The following ATXN7L1 variants were observed in gnomAD, a reference collection of about 807,000 sequenced individuals.
ATXN7L1 encodes ataxin 7 like 1.
A neutral mutation model predicts 70.8 loss-of-function variants in ATXN7L1; 15 were observed. The observed-to-expected ratio is 0.21, with a 90% CI of 0.14 to 0.33. ATXN7L1 has a LOEUF of 0.33. Among genes scored for constraint, ATXN7L1 ranks in the 10% least tolerant of loss-of-function variants. ATXN7L1 has a pLI of 1.00. For missense variants in ATXN7L1, 975 were observed against 1,097.1 expected (o/e 0.89, Z 1.57); for synonymous variants, 440 against 445.1 (o/e 0.99, Z 0.14).
chr7:105,735,660 C>A (rs958933551), intron 3 of ATXN7L1, among the ~76,000 whole-genome samples: 1 of 152,160 alleles, frequency 6.6e-6, no homozygotes, highest in African/African-American at 2.4e-5. Context: ...ATTCCCACCC[C>A]CTAAATGTTG....
chr7:105,688,183 C>T (rs1790214485), intron 3 of ATXN7L1, among the ~76,000 whole-genome samples: 1 of 152,078 alleles, frequency 6.6e-6, no homozygotes, highest in African/African-American at 2.4e-5. Context: ...CCCTCACATG[C>T]GTTGCCCAGC....
chr7:105,692,366 TTTCTTTCC>T (rs1386240677), intron 3 of ATXN7L1, among the ~76,000 whole-genome samples: 81 of 120,746 alleles, frequency 6.7e-4, no homozygotes, highest in African/African-American at 2.1e-3. Flanking sequence ...GATGAATTTC[TTTCTTTCC>T]TTCCTTCCTT....
chr7:105,615,231 T>C (rs1793703504), intron 9 of ATXN7L1, among the ~76,000 whole-genome samples: 1 of 152,002 alleles, frequency 6.6e-6, no homozygotes, highest in Non-Finnish European at 1.5e-5. Flanking sequence ...CACATGTAGG[T>C]CCTGGTTGCA....
At chr7:105,720,151 C>T (rs538778143) in intron 3 of ATXN7L1, among the ~76,000 whole-genome samples, 3 of 152,174 alleles carry the variant, frequency 2.0e-5, no homozygotes, top group South Asian at 4.1e-4. Context: ...CTTGGTATAG[C>T]CCTTGGGTCA....
At chr7:105,835,897 CTCT>C (rs1439714581) in intron 2 of ATXN7L1, among the ~76,000 whole-genome samples, 6 of 152,020 alleles carry the variant, frequency 3.9e-5, no homozygotes, top group Non-Finnish European at 8.8e-5. Context: ...CTCTCTCTCT[CTCT>C]TTTTTTCAAG....
intron 4 of ATXN7L1, among the ~76,000 whole-genome samples, chr7:105,658,334 A>G (rs773425569): frequency 6.6e-6 from 1 of 152,084 alleles, no homozygotes; most frequent in South Asian, 2.1e-4. Context: ...GCTGTATGGT[A>G]TAGCCACTTG....
chr7:105,680,074 TAA>T (rs35358930), intron 3 of ATXN7L1, among the ~76,000 whole-genome samples: 413 of 133,298 alleles, frequency 3.1e-3, no homozygotes, highest in African/African-American at 5.0e-3. Flanking sequence ...TGCCTTTTAG[TAA>T]AAAAAAAAAA....
intron 3 of ATXN7L1, among the ~76,000 whole-genome samples, chr7:105,683,641 C>T (rs553229331): frequency 1.2e-3 from 183 of 152,266 alleles, no homozygotes; most frequent in Middle Eastern, 6.8e-3. Flanking sequence ...TACCACTGCA[C>T]TCCAGCCTGG....
In ATXN7L1 at chr7:105,613,926, T is replaced by G; in HGVS notation, c.2408A>C (p.Lys803Thr). ...TKMPGMNSVH[K>T]KNPPSLLAPV... is the part of the protein sequence containing the mutation. ...TGCGAGAAGGCTGGGCGGGTTCTTT[T>G]TGTGAACGCTATTCATACCAGGCAT... Residue 803 changes from lysine to threonine, a missense_variant, in exon 10 of 12, where the codon AAA (lysine) becomes ACA (threonine). Transcript: ENST00000419735. 1 of 1,552,178 alleles carries G rather than the reference T, an allele frequency of 6.4e-7. No homozygotes were observed. Among genetic ancestry groups the G allele is most frequent in the Non-Finnish European group, 8.7e-7 (1 of 1,147,036 alleles).
At chr7:105,698,232 T>C (rs936789777) in intron 3 of ATXN7L1, among the ~76,000 whole-genome samples, 1 of 152,160 alleles carries the variant, frequency 6.6e-6, no homozygotes, top group Admixed American at 6.5e-5. Context: ...ACTAAGCCAG[T>C]CTTGCCTGAT....
chr7:105,774,924 C>T (rs185480681), intron 3 of ATXN7L1, among the ~76,000 whole-genome samples: 23 of 152,112 alleles, frequency 1.5e-4, no homozygotes, highest in East Asian at 1.2e-3. Context: ...GTATCTATGA[C>T]GCTAATAAAC....
At chr7:105,733,761 C>T (rs150896790) in intron 3 of ATXN7L1, among the ~76,000 whole-genome samples, 1 of 78,152 alleles carries the variant, frequency 1.3e-5, no homozygotes, top group African/African-American at 4.7e-5. Flanking sequence ...CATCCATCCA[C>T]CCCTCCATCC....
chr7:105,656,649 C>A (rs1262475422), intron 4 of ATXN7L1, among the ~76,000 whole-genome samples: 1 of 151,162 alleles, frequency 6.6e-6, no homozygotes, highest in East Asian at 1.9e-4. Context: ...TGGCTCACTG[C>A]AACCTCTGCC....
chr7:105,698,564 A>G (rs1489658703), intron 3 of ATXN7L1, among the ~76,000 whole-genome samples: 2 of 152,116 alleles, frequency 1.3e-5, no homozygotes. Context: ...GAGTTTTGCC[A>G]TGCCGCTCAT....
At chr7:105,643,992 C>T (rs942700229) in intron 4 of ATXN7L1, among the ~76,000 whole-genome samples, 1 of 152,190 alleles carries the variant, frequency 6.6e-6, no homozygotes, top group African/African-American at 2.4e-5. Context: ...ATAAGCTTTG[C>T]TTTGGTCCCT....
intron 3 of ATXN7L1, among the ~76,000 whole-genome samples, chr7:105,696,492 C>CA (rs1488211149): frequency 1.3e-4 from 19 of 151,720 alleles, no homozygotes; most frequent in Admixed American, 1.2e-3. Flanking sequence ...TTTTTTAAGC[C>CA]AAAAAAGAAG....
chr7:105,627,465 G>T (rs1200786686), intron 7 of ATXN7L1, among the ~76,000 whole-genome samples: 1 of 151,346 alleles, frequency 6.6e-6, no homozygotes, highest in Admixed American at 6.6e-5. Context: ...CAAACTTGTG[G>T]CCTCAAATGA....
intron 9 of ATXN7L1, among the ~76,000 whole-genome samples, chr7:105,617,632 G>A (rs1027390379): frequency 1.3e-5 from 2 of 152,184 alleles, no homozygotes; most frequent in Non-Finnish European, 2.9e-5. Context: ...GTTTTTCTAG[G>A]TGTCAAATGG....
intron 3 of ATXN7L1, among the ~76,000 whole-genome samples, chr7:105,731,512 G>T (rs1796530459): frequency 6.8e-6 from 1 of 146,078 alleles, no homozygotes; most frequent in Non-Finnish European, 1.5e-5. Flanking sequence ...TCAGCTCACT[G>T]CAACCTCCGC....
Sources: allele counts gnomAD v4.1 joint callset (sites outside exome capture counted in the v4.1 genomes callset), GRCh38; gene constraint gnomAD v4.1.1; transcripts MANE v1.5; gene names NCBI Gene and HGNC (gene_info 2026-07-23, HGNC 2026-07-21).